The following LRCH1 variants were observed in gnomAD, a reference collection of about 807,000 sequenced individuals.
LRCH1 encodes the protein leucine rich repeats and calponin homology domain containing 1, also known as leucine-rich repeat and calponin homology domain-containing protein 1.
LRCH1 carries 23 observed loss-of-function variants against 94.9 expected under a neutral mutation model. The ratio of observed to expected loss-of-function variants is 0.24; its 90% confidence interval spans 0.17 to 0.34. The LOEUF (loss-of-function observed/expected upper bound fraction) is 0.34, where lower values mean the gene tolerates loss of function less well. Ranked by LOEUF, LRCH1 falls within the 10% of genes least tolerant of loss-of-function variation. The pLI, the probability that LRCH1 is intolerant of heterozygous loss-of-function variation, is 1.00. For missense variants in LRCH1, 790 were observed against 945.9 expected (o/e 0.84, Z 2.16); for synonymous variants, 364 against 354.9 (o/e 1.03, Z -0.29).
chr13:46,562,461 G>A (rs1186805292), intron 1 of LRCH1, among the ~76,000 whole-genome samples: 2 of 152,118 alleles, frequency 1.3e-5, no homozygotes, highest in African/African-American at 4.8e-5. Flanking sequence ...AATCCTTGTT[G>A]TCCCTTCCTG....
chr13:46,750,226 G>A (rs754833980), intron 18 of LRCH1, among the ~76,000 whole-genome samples: 3 of 152,124 alleles, frequency 2.0e-5, no homozygotes, highest in Non-Finnish European at 4.4e-5. Flanking sequence ...TATATTCTTG[G>A]TGTATGCTCT....
In LRCH1 at chr13:46,738,405, T is replaced by C. The variant is rs996607924; in HGVS notation, c.2086-3237T>C. The stretch of plus-strand genomic sequence containing the variant: ...TTTTCCTTATCTTTTGTAATTTTCA[T>C]ATTCGCATTTTTTGTGTTAAAGGTT... On this transcript the variant is annotated intron_variant, in intron 19 of 19. Transcript: ENST00000389797. Among the ~76,000 whole-genome samples the C allele has an allele frequency of 2.0e-5, 3 of 152,388 alleles. No homozygotes were observed. In the East Asian group the frequency reaches 5.8e-4, roughly 29 times the overall value.
intron 18 of LRCH1, among the ~76,000 whole-genome samples, chr13:46,750,179 G>A (rs1185320059): frequency 6.6e-6 from 1 of 152,056 alleles, no homozygotes; most frequent in African/African-American, 2.4e-5. Context: ...TGTGTCAGGG[G>A]CTATTTGCAG....
intron 14 of LRCH1, 36 bp from the exon 15 acceptor site, chr13:46,712,488 AT>A: frequency 6.6e-7 from 1 of 1,505,052 alleles, no homozygotes. Context: ...TTTTCCTTTT[AT>A]TTTTTTCCTA....
intron 1 of LRCH1, among the ~76,000 whole-genome samples, chr13:46,610,743 C>T (rs2050739311): frequency 6.6e-6 from 1 of 152,116 alleles, no homozygotes; most frequent in African/African-American, 2.4e-5. Context: ...GACTGATAGG[C>T]ATTTGTGCTG....
chr13:46,632,732 C>T (rs1354223766), intron 1 of LRCH1, among the ~76,000 whole-genome samples: 2 of 151,980 alleles, frequency 1.3e-5, no homozygotes, highest in Non-Finnish European at 2.9e-5. Context: ...ATTTGTTATT[C>T]ATGAATTCTA....
intron 9 of LRCH1, among the ~76,000 whole-genome samples, 194 bp from the exon 10 acceptor site, chr13:46,699,142 C>T (rs1163992712): frequency 6.6e-6 from 1 of 152,226 alleles, no homozygotes; most frequent in Admixed American, 6.5e-5. Context: ...TTCCCCCTTT[C>T]TAAGGCTGAG....
Position 46,558,572 on chromosome 13 carries a change from C to CAAAA in LRCH1, c.307+4892_307+4895dup, listed in dbSNP as rs575874794. ...CCAAGACGGTGAAACCCTGTGTCTA[C>CAAAA]AAAAAAAAAAAAAAAAAAAAAAAAA... On this transcript the variant is annotated intron_variant, in intron 1 of 19. Coordinates refer to ENST00000389797, the MANE Select transcript of LRCH1 (RefSeq NM_001164211.2). Among the ~76,000 whole-genome samples, 147 of 34,392 alleles carry CAAAA rather than the reference C, an allele frequency of 4.3e-3. 18 individuals are homozygous for CAAAA. Among genetic ancestry groups the CAAAA allele is most frequent in the Middle Eastern group, 0.014 (1 of 74 alleles). The allele number at this position is 34,392 out of a possible 152,430, so 22.6% of individuals were successfully genotyped here.
chr13:46,657,500 CTTT>C (rs67588975), intron 2 of LRCH1, among the ~76,000 whole-genome samples: 179 of 11,392 alleles, frequency 0.016, 8 homozygotes, highest in African/African-American at 0.054. Context: ...CTTTTCTTTT[CTTT>C]TTTTTTTTTT....
intron 1 of LRCH1, among the ~76,000 whole-genome samples, chr13:46,645,612 T>C (rs1366163704): frequency 6.6e-6 from 1 of 152,248 alleles, no homozygotes; most frequent in Non-Finnish European, 1.5e-5. Flanking sequence ...TATTACCTAT[T>C]CAGAAACAGA....
At chr13:46,684,346 A>T (rs988575342) in intron 4 of LRCH1, among the ~76,000 whole-genome samples, 41 of 151,416 alleles carry the variant, frequency 2.7e-4, no homozygotes, top group Admixed American at 2.7e-3. Flanking sequence ...CTGAACTATG[A>T]TGGCAATTGT....
At chr13:46,650,393 AAAC>A (rs746574012) in intron 2 of LRCH1, 48 bp downstream of exon 2, 3 of 1,485,326 alleles carry the variant, frequency 2.0e-6, no homozygotes, top group East Asian at 4.7e-5. Context: ...AAGAAATAAA[AAAC>A]TTATGCTTTC....
intron 9 of LRCH1, 112 bp downstream of exon 9, chr13:46,695,129 C>A: frequency 7.5e-7 from 1 of 1,329,736 alleles, no homozygotes; most frequent in Non-Finnish European, 1.0e-6. Context: ...GCTTGCTGCA[C>A]CCTCCCTGAA....
In LRCH1 at chr13:46,742,389, T is replaced by G. The variant is rs1274569079; in HGVS notation, c.*541T>G. The G allele has an allele frequency of 1.0e-6, 1 of 992,302 alleles. No homozygotes were observed. The highest frequency in any genetic ancestry group is 1.1e-4 in the East Asian group (1 of 9,136). 61.5% of individuals were successfully genotyped at this position (992,302 alleles called of 1,614,324 possible). ...ATACCACTACTGACCAAGTTGGACG[T>G]GTACACGTACTCACACTGCCTTGAT... On this transcript the variant is annotated 3_prime_UTR_variant, in exon 20 of 20. Coordinates refer to ENST00000389797, the MANE Select transcript of LRCH1 (RefSeq NM_001164211.2).
At chr13:46,699,260 A>G in intron 9 of LRCH1, 76 bp from the exon 10 acceptor site, 1 of 1,109,432 alleles carries the variant, frequency 9.0e-7, no homozygotes, top group Admixed American at 1.7e-5. Context: ...TGTTATAAAC[A>G]TGGGCTGGGC....
chr13:46,596,567 T>C (rs1422643287), intron 1 of LRCH1, among the ~76,000 whole-genome samples: 1 of 152,234 alleles, frequency 6.6e-6, no homozygotes, highest in African/African-American at 2.4e-5. Context: ...AATAGCGATC[T>C]TGGAACAGAG....
At chr13:46,695,132 T>TC in intron 9 of LRCH1, 115 bp downstream of exon 9, 1 of 1,274,248 alleles carries the variant, frequency 7.8e-7, no homozygotes, top group Admixed American at 2.2e-5. Context: ...TGCTGCACCC[T>TC]CCCTGAAGCG....
intron 1 of LRCH1, 77 bp downstream of exon 1, chr13:46,553,780 C>T: frequency 1.3e-6 from 2 of 1,566,010 alleles, no homozygotes; most frequent in Non-Finnish European, 1.7e-6. Flanking sequence ...ACGCGGTGGA[C>T]AGTCGGAGAT....
chr13:46,558,570 T>TAAAAAAA (rs2050092861), intron 1 of LRCH1, among the ~76,000 whole-genome samples: 1 of 9,314 alleles, frequency 1.1e-4, no homozygotes, highest in African/African-American at 1.7e-3. Context: ...ACCCTGTGTC[T>TAAAAAAA]ACAAAAAAAA....
Sources: gnomAD v4.1 joint callset for allele counts (sites outside exome capture counted in the v4.1 genomes callset) on GRCh38, gnomAD v4.1.1 for gene constraint, MANE v1.5 for transcripts, NCBI Gene and HGNC (gene_info 2026-07-23, HGNC 2026-07-21) for gene names.